SYT7: variants seen among roughly 807,000 people sequenced by gnomAD.
SYT7 encodes the protein synaptotagmin 7.
Under a neutral mutation model 75.1 loss-of-function variants are expected in SYT7, and 29 were observed. The observed-to-expected ratio is 0.39, with a 90% CI of 0.29 to 0.53. SYT7 has a LOEUF of 0.53. Among genes scored for constraint, SYT7 ranks in the 20% least tolerant of loss-of-function variants. The pLI, the probability that SYT7 is intolerant of heterozygous loss-of-function variation, is 0.77. For missense variants in SYT7, 693 were observed against 953.2 expected (o/e 0.73, Z 3.59); for synonymous variants, 376 against 401.7 (o/e 0.94, Z 0.76).
chr11:61,533,217 C>A, intron 7 of SYT7, 93 bp from the exon 8 acceptor site: 1 of 1,484,160 alleles, frequency 6.7e-7, no homozygotes, highest in African/African-American at 1.4e-5. Flanking sequence ...CTCTGAAGAC[C>A]CCAGCAGCTG....
chr11:61,551,556 T>C lies in SYT7; in HGVS notation c.136-93A>G, dbSNP rs764377210. 5 of 1,328,532 alleles carry C rather than the reference T, an allele frequency of 3.8e-6. No individual in the cohort carries two copies. Among genetic ancestry groups the C allele is most frequent in the South Asian group, 2.4e-5 (2 of 82,486 alleles). The allele number at this position is 1,328,532 out of a possible 1,614,324, so 82.3% of individuals were successfully genotyped here. ...GGACCCGGAGGGGAAGGAGATAGAC[T>C]GGAGTCGGGCCGTGGCAACAAGGCC... On this transcript the variant is annotated intron_variant, in intron 2 of 12. Coordinates refer to ENST00000539008, the MANE Select transcript of SYT7 (RefSeq NM_001365809.2). This position sits in a 1 kb window ranked among gnomAD's most constrained non-coding sequence, Gnocchi z 5.3.
At position 61,569,857 on chromosome 11, in the gene SYT7, C is replaced by T. The variant is rs185342324; in HGVS notation, c.31+10933G>A. Among the ~76,000 whole-genome samples the T allele has an allele frequency of 2.0e-5, 3 of 152,316 alleles. No homozygotes were observed. In the East Asian group the frequency reaches 5.8e-4, roughly 29 times the overall value. ...TCTACGTCATTGTCCTTGAGCTTCC[C>T]CCAATGTCAGTGCCCAGCCAGCTGG... On this transcript the variant is annotated intron_variant, in intron 1 of 12. Transcript: ENST00000539008.
chr11:61,566,192 A>G (rs1263898531), intron 1 of SYT7, among the ~76,000 whole-genome samples: 1 of 152,208 alleles, frequency 6.6e-6, no homozygotes, highest in Non-Finnish European at 1.5e-5. Flanking sequence ...GCAGTTTATA[A>G]AGTGTTCCAC....
chr11:61,543,523 AC>A (rs901242626), intron 5 of SYT7, among the ~76,000 whole-genome samples: 9 of 152,186 alleles, frequency 5.9e-5, no homozygotes, highest in Non-Finnish European at 1.2e-4. Context: ...CTGGGTTCAA[AC>A]CCCACCTCTG....
At chr11:61,518,935 AC>A (rs1565158466) in intron 12 of SYT7, among the ~76,000 whole-genome samples, 1 of 151,180 alleles carries the variant, frequency 6.6e-6, no homozygotes, top group African/African-American at 2.4e-5. Flanking sequence ...CTACCCCCAC[AC>A]CCCCAAGCCT....
At chr11:61,528,426 A>G (rs1377073418) in intron 8 of SYT7, among the ~76,000 whole-genome samples, 1 of 151,856 alleles carries the variant, frequency 6.6e-6, no homozygotes, top group African/African-American at 2.4e-5. Context: ...TATGCACGAC[A>G]CTCACTTCCC....
chr11:61,579,272 C>A (rs529903884), intron 1 of SYT7, among the ~76,000 whole-genome samples: 1 of 152,364 alleles, frequency 6.6e-6, no homozygotes, highest in East Asian at 1.9e-4. Flanking sequence ...CAAGAGAATA[C>A]TCCTGCCACG....
At chr11:61,581,274 G>A (rs2064265754), upstream of SYT7, 1 of 147,454 alleles carries the variant, frequency 6.8e-6, no homozygotes, top group African/African-American at 2.5e-5. Flanking sequence ...CGAGGGCACG[G>A]CCGCCGCCCC....
At chr11:61,582,931 T>A (rs1444640187), upstream of SYT7, among the ~76,000 whole-genome samples, 1 of 152,056 alleles carries the variant, frequency 6.6e-6, no homozygotes, top group East Asian at 1.9e-4. Flanking sequence ...ATTACCCTAG[T>A]AAAGAGTAAA....
At position 61,542,346 on chromosome 11, in the gene SYT7, C is replaced by T. The variant is rs911469023; in HGVS notation, c.806G>A (p.Arg269Gln). The T allele has an allele frequency of 9.8e-6, 15 of 1,530,512 alleles. No individual in the cohort carries two copies. The highest frequency in any genetic ancestry group is 4.1e-5 in the African/African-American group (3 of 72,692). The allele number at this position is 1,530,512 out of a possible 1,614,324, so 94.8% of individuals were successfully genotyped here. The change falls in exon 6 of 13, where the codon CGG (arginine) becomes CAG (glutamine). Residue 269 changes from arginine (R) to glutamine (Q), a missense_variant. This residue lies in a region of SYT7 where 487 missense variants were observed against 593.2 expected (regional missense o/e 0.82). Coordinates refer to ENST00000539008, the MANE Select transcript of SYT7 (RefSeq NM_001365809.2). The surrounding 1 kb of genome is among the most constrained non-coding windows in gnomAD (Gnocchi z 7.8). ...APGPNPRAYG[R>Q]GQARQGTSAG... ...CGAGGTGCCCTGCCGAGCCTGGCCC[C>T]GGCCATAGGCCCGGGGGTTGGGGCC...
At chr11:61,558,814 C>T (rs2063569200) in intron 1 of SYT7, among the ~76,000 whole-genome samples, 1 of 152,142 alleles carries the variant, frequency 6.6e-6, no homozygotes, top group African/African-American at 2.4e-5. Context: ...ATGATCTTGG[C>T]TCACTGCAAC....
upstream of SYT7, among the ~76,000 whole-genome samples, chr11:61,582,123 C>A (rs1386562173): frequency 6.6e-6 from 1 of 151,582 alleles, no homozygotes; most frequent in Non-Finnish European, 1.5e-5. Flanking sequence ...TGATGCCCCC[C>A]ACACACACAC....
intron 1 of SYT7, among the ~76,000 whole-genome samples, chr11:61,570,769 T>C (rs1464922371): frequency 1.3e-5 from 2 of 152,228 alleles, no homozygotes; most frequent in East Asian, 1.9e-4. Flanking sequence ...CCCTGTCTTA[T>C]GGCGTTAGAG....
rs2062575296 is a variant in SYT7 at position 61,527,950 on chromosome 11, A to C, written c.1436T>G (p.Leu479Arg). 1 of 1,614,056 alleles carries C rather than the reference A, an allele frequency of 6.2e-7. No homozygotes were observed. The highest frequency in any genetic ancestry group is 8.5e-7 in the Non-Finnish European group (1 of 1,180,040). The change falls in exon 9 of 13, where the codon CTG becomes CGG. Residue 479 changes from leucine to arginine, a missense_variant. Transcript: ENST00000539008. ...KLETKVKRKN[L>R]NPHWNETFLF... ...GAAGGTCTCGTTCCAGTGGGGGTTC[A>C]GGTTCTTCCGCTTCACCTTGGTCTC...
intron 1 of SYT7, among the ~76,000 whole-genome samples, chr11:61,558,483 T>TAC (rs201456086): frequency 0.017 from 2,313 of 139,372 alleles, 32 homozygotes; most frequent in South Asian, 0.036. Context: ...AAAATATATA[T>TAC]ATACACACAC....
chr11:61,558,537 T>C (rs11821795), intron 1 of SYT7, among the ~76,000 whole-genome samples: 12,793 of 137,816 alleles, frequency 0.093, 1,197 homozygotes, highest in African/African-American at 0.29. Flanking sequence ...CACACACACA[T>C]ATATATATAA....
At chr11:61,534,632 C>A (rs770072072) in intron 7 of SYT7, among the ~76,000 whole-genome samples, 2 of 152,164 alleles carry the variant, frequency 1.3e-5, no homozygotes, top group African/African-American at 4.8e-5. Flanking sequence ...AGGCATGCCA[C>A]GTGTGCACGT....
chr11:61,527,793 T>G lies in SYT7; in HGVS notation c.1471+122A>C, dbSNP rs560532621. On this transcript the variant is annotated intron_variant, in intron 9 of 12. Transcript: ENST00000539008. ...TCTGCTTGCATGTGTGTTTGTGCAT[T>G]TGTGGGCCTGCAGGTGTGTGTACAC... The G allele has an allele frequency of 2.9e-5, 35 of 1,188,904 alleles. No individual in the cohort carries two copies. The South Asian group carries it at 4.9e-4, about 17-fold the overall frequency. The allele number at this position is 1,188,904 out of a possible 1,614,324, so 73.6% of individuals were successfully genotyped here.
chr11:61,540,043 C>T (rs1437610632), intron 6 of SYT7: 1 of 152,030 alleles, frequency 6.6e-6, no homozygotes, highest in East Asian at 1.9e-4. Context: ...ATGTTTTTTC[C>T]CCAGTTAATG....
Sources: allele counts gnomAD v4.1 joint callset (sites outside exome capture counted in the v4.1 genomes callset), GRCh38; gene constraint gnomAD v4.1.1; regional missense constraint gnomAD v4.1.1; non-coding constraint Gnocchi (gnomAD v3.1); transcripts MANE v1.5; gene names NCBI Gene and HGNC (gene_info 2026-07-23, HGNC 2026-07-21).